IL1RAPL1: variants seen among roughly 807,000 people sequenced by gnomAD.
IL1RAPL1 encodes the protein interleukin-1 receptor accessory protein-like 1.
IL1RAPL1 carries 3 observed loss-of-function variants against 48.4 expected under a neutral mutation model. That is an observed-to-expected ratio of 0.06 (90% CI 0.03 to 0.16). IL1RAPL1 has a LOEUF of 0.16. Ranked by LOEUF, IL1RAPL1 falls within the 10% of genes least tolerant of loss-of-function variation. The probability of loss-of-function intolerance (pLI) is 1.00; values close to 1 mark genes in which losing one functional copy is unlikely to be tolerated. For synonymous variants in IL1RAPL1, 185 were observed against 187.7 expected (o/e 0.99, Z 0.12); for missense variants, 349 against 530.6 (o/e 0.66, Z 3.36).
chrX:28,839,296 G>A (rs1921304720), intron 2 of IL1RAPL1, among the ~76,000 whole-genome samples: 1 of 110,542 alleles, frequency 9.0e-6, no homozygotes, highest in African/African-American at 3.3e-5. Flanking sequence ...AACTGTGGTG[G>A]ACAGAATTTA....
intron 2 of IL1RAPL1, among the ~76,000 whole-genome samples, chrX:29,195,523 C>T (rs1051141871): frequency 3.7e-5 from 4 of 107,668 alleles, no homozygotes; most frequent in East Asian, 2.9e-4. Context: ...TCACCAATAT[C>T]GTCCAAAAGT....
rs78153525 is a variant in IL1RAPL1, at chrX:29,553,685, A to G, written c.704-114745A>G. Reference sequence around the variant, plus strand: ...AAAATAGGACTGTATTATGGAGAACACTCATACTCTGGGCATAGTTCACAA... The same window carrying G: ...AAAATAGGACTGTATTATGGAGAACGCTCATACTCTGGGCATAGTTCACAA... On this transcript the variant is annotated intron_variant, in intron 5 of 10. Transcript: ENST00000378993. Among the ~76,000 whole-genome samples the G allele has an allele frequency of 9.8e-4, 109 of 110,689 alleles. No individual in the cohort carries two copies. In the East Asian group the frequency reaches 0.027, roughly 27 times the overall value.
At chrX:29,460,189 A>G (rs751827562) in intron 5 of IL1RAPL1, among the ~76,000 whole-genome samples, 2 of 112,281 alleles carry the variant, frequency 1.8e-5, no homozygotes, top group African/African-American at 3.2e-5. Context: ...CCTAGGGACT[A>G]GAACCCTGCC....
intron 5 of IL1RAPL1, among the ~76,000 whole-genome samples, chrX:29,488,421 A>G (rs1194118831): frequency 1.8e-5 from 2 of 112,012 alleles, no homozygotes; most frequent in South Asian, 3.7e-4. Context: ...CTGGTGACAG[A>G]GCAAGACTCC....
intron 10 of IL1RAPL1, 68 bp downstream of exon 10, chrX:29,954,760 A>G: frequency 3.2e-6 from 3 of 925,359 alleles, no homozygotes. Context: ...TCACTTTTTC[A>G]TGGAATTTTA....
chrX:29,868,507 C>T (rs1017417699), intron 6 of IL1RAPL1, among the ~76,000 whole-genome samples: 2 of 111,861 alleles, frequency 1.8e-5, no homozygotes. Context: ...CTGGCTAGGC[C>T]CCCTGCTCTA....
Position 28,779,160 on chromosome X carries a change from AG to A in IL1RAPL1, c.-24-10159del, listed in dbSNP as rs768545482. 4.6e-3 allele frequency among the ~76,000 whole-genome samples: 508 copies of A among 111,632 alleles called. 1 individual carries two copies. Among genetic ancestry groups the A allele is most frequent in the Non-Finnish European group, 7.6e-3 (402 of 52,951 alleles). On this transcript the variant is annotated intron_variant, in intron 1 of 10. Transcript: ENST00000378993. ...CTGTCTTCACAGGCAAGCATCGGCT[AG>A]TGCCAGGGATTTTCTAAACTATATT...
Position 29,061,705 on chromosome X carries a change from C to A in IL1RAPL1, c.83-221233C>A, listed in dbSNP as rs1449172996. ...AACTCCTGACCTCAGGTCATCCGCCCACCTCGGTCTCCCAAAGTGCCGGGA... is the reference window on the plus strand; with the variant it reads ...AACTCCTGACCTCAGGTCATCCGCCAACCTCGGTCTCCCAAAGTGCCGGGA... On this transcript the variant is annotated intron_variant, in intron 2 of 10. Coordinates refer to ENST00000378993, the MANE Select transcript of IL1RAPL1 (RefSeq NM_014271.4). Among the ~76,000 whole-genome samples the A allele has an allele frequency of 4.4e-5, 5 of 112,397 alleles. No individual in the cohort carries two copies. The East Asian group carries it at 1.4e-3, about 31-fold the overall frequency.
chrX:29,619,421 G>T, intron 5 of IL1RAPL1, among the ~76,000 whole-genome samples: 1 of 110,971 alleles, frequency 9.0e-6, no homozygotes, highest in African/African-American at 3.3e-5. Flanking sequence ...TTATTGCATG[G>T]GTTTTCTTTA....
At chrX:29,246,150 CTT>C (rs761809643) in intron 2 of IL1RAPL1, among the ~76,000 whole-genome samples, 2,472 of 51,968 alleles carry the variant, frequency 0.048, 130 homozygotes, top group African/African-American at 0.17. Context: ...TCTCATCGCT[CTT>C]TTTTTTTTTT....
chrX:29,214,560 C>A (rs1003369957), intron 2 of IL1RAPL1, among the ~76,000 whole-genome samples: 2 of 111,515 alleles, frequency 1.8e-5, no homozygotes, highest in Non-Finnish European at 3.8e-5. Context: ...TTGGTAACCT[C>A]TGAAGTCCCT....
intron 5 of IL1RAPL1, among the ~76,000 whole-genome samples, chrX:29,450,038 C>T (rs1354489403): frequency 9.1e-6 from 1 of 110,482 alleles, no homozygotes; most frequent in East Asian, 2.8e-4. Flanking sequence ...AGCACTTTTA[C>T]TATTACAATC....
intron 5 of IL1RAPL1, among the ~76,000 whole-genome samples, chrX:29,525,657 G>A (rs1271205383): frequency 3.6e-5 from 4 of 112,157 alleles, no homozygotes; most frequent in Non-Finnish European, 7.5e-5. Flanking sequence ...CCTGCCCATA[G>A]GTCCATTAGA....
chrX:29,752,235 C>T (rs1355265461), intron 6 of IL1RAPL1, among the ~76,000 whole-genome samples: 1 of 106,460 alleles, frequency 9.4e-6, no homozygotes, highest in African/African-American at 3.4e-5. Context: ...CAGGGGCTCA[C>T]ACCTGTAATC....
At chrX:28,649,482 C>A (rs1408451197) in intron 1 of IL1RAPL1, among the ~76,000 whole-genome samples, 1 of 112,381 alleles carries the variant, frequency 8.9e-6, no homozygotes, top group African/African-American at 3.2e-5. Flanking sequence ...AAGTAAGATC[C>A]TTTCCTGTAA....
At chrX:29,035,015 C>T (rs1926701870) in intron 2 of IL1RAPL1, among the ~76,000 whole-genome samples, 2 of 110,752 alleles carry the variant, frequency 1.8e-5, no homozygotes, top group African/African-American at 3.3e-5. Flanking sequence ...CCACCACGCC[C>T]GGCTAATTTT....
chrX:28,992,502 G>GAAAAAAAAAAAAAAAAAAAAAA (rs60650174), intron 2 of IL1RAPL1, among the ~76,000 whole-genome samples: 1 of 49,607 alleles, frequency 2.0e-5, no homozygotes, highest in Non-Finnish European at 3.8e-5. Flanking sequence ...AAAAAAAAAA[G>GAAAAAAAAAAAAAAAAAAAAAA]AAAAAAAAAA....
chrX:29,518,798 A>G (rs1274243265), intron 5 of IL1RAPL1, among the ~76,000 whole-genome samples: 1 of 111,994 alleles, frequency 8.9e-6, no homozygotes, highest in Non-Finnish European at 1.9e-5. Context: ...CAGGGAGGTG[A>G]CATGCTCCAA....
At chrX:29,274,562 T>C (rs1932090119) in intron 2 of IL1RAPL1, among the ~76,000 whole-genome samples, 1 of 112,082 alleles carries the variant, frequency 8.9e-6, no homozygotes, top group Non-Finnish European at 1.9e-5. Context: ...CACAACAGAC[T>C]TCATTCTTAT....
Sources: allele counts gnomAD v4.1 joint callset (sites outside exome capture counted in the v4.1 genomes callset), GRCh38; gene constraint gnomAD v4.1.1; transcripts MANE v1.5; gene names NCBI Gene and HGNC (gene_info 2026-07-23, HGNC 2026-07-21).